The following PTGER4 variants were observed in gnomAD, a reference collection of about 807,000 sequenced individuals.
PTGER4 encodes the protein prostaglandin E2 receptor EP4 subtype.
In PTGER4, 11 loss-of-function variants were observed where a neutral mutation model predicts 33.2. The observed-to-expected ratio is 0.33, with a 90% CI of 0.21 to 0.55. The LOEUF (loss-of-function observed/expected upper bound fraction) is 0.55. Among genes scored for constraint, PTGER4 ranks in the 20% least tolerant of loss-of-function variants. The pLI, the probability that PTGER4 is intolerant of heterozygous loss-of-function variation, is 0.92. For synonymous variants in PTGER4, 275 were observed against 281.5 expected, an observed-to-expected ratio of 0.98 and a Z score of 0.23; for missense variants, 481 against 650.2, an observed-to-expected ratio of 0.74 and a Z score of 2.83.
At chr5:40,736,652 A>G in the PTGER4 span, among the ~76,000 whole-genome samples, 1 of 152,200 alleles carries the variant, frequency 6.6e-6, no homozygotes, top group African/African-American at 2.4e-5. Context: ...ATAAAATCCT[A>G]AAATATTATA....
downstream of PTGER4, among the ~76,000 whole-genome samples, chr5:40,697,183 TTAAG>T (rs1161895220): frequency 3.2e-4 from 22 of 69,132 alleles, no homozygotes; most frequent in Admixed American, 2.3e-3. Context: ...GGAAGAAAAA[TTAAG>T]AAAGAAAGAA....
the PTGER4 span, chr5:40,730,481 C>T: frequency 1.7e-6 from 1 of 589,974 alleles, no homozygotes; most frequent in Non-Finnish European, 3.0e-6. Flanking sequence ...CATTAAGTAG[C>T]ATTAAGTACA....
chr5:40,729,552 A>G, the PTGER4 span, among the ~76,000 whole-genome samples: 2 of 152,218 alleles, frequency 1.3e-5, no homozygotes, highest in Non-Finnish European at 1.5e-5. Context: ...GGACTAAGCC[A>G]TTTTTAGAAA....
In PTGER4 at chr5:40,691,459, C is replaced by T. The variant is rs137896348; in HGVS notation, c.868-320C>T. Among the ~76,000 whole-genome samples, 626 of 152,340 alleles carry T rather than the reference C, an allele frequency of 4.1e-3. 16 individuals are homozygous for T. The highest frequency in any genetic ancestry group is 0.027 in the East Asian group (140 of 5,180). On this transcript the variant is annotated intron_variant, in intron 2 of 2. Coordinates refer to ENST00000302472, the MANE Select transcript of PTGER4 (RefSeq NM_000958.3). The surrounding 1 kb of genome is among the most constrained non-coding windows in gnomAD (Gnocchi z 4.2). ...CCTACCAAAATGCTGGGATTACAGG[C>T]GTGAGCCACCGCACCCAGCCTAATG...
the PTGER4 span, among the ~76,000 whole-genome samples, chr5:40,712,956 T>C: frequency 3.3e-5 from 5 of 152,180 alleles, no homozygotes; most frequent in Admixed American, 6.6e-5. Context: ...TAAATGACTT[T>C]AGGGATAACC....
chr5:40,695,493 C>G (rs1420098827), downstream of PTGER4, among the ~76,000 whole-genome samples: 1 of 152,096 alleles, frequency 6.6e-6, no homozygotes, highest in Non-Finnish European at 1.5e-5. Context: ...TTGCAGTGAG[C>G]CGAGATCGTG....
chr5:40,712,487 A>T, the PTGER4 span, among the ~76,000 whole-genome samples: 2 of 152,140 alleles, frequency 1.3e-5, no homozygotes, highest in Non-Finnish European at 2.9e-5. Context: ...AGGTTAGAGG[A>T]TGTACTTTAA....
the PTGER4 span, among the ~76,000 whole-genome samples, chr5:40,717,345 G>C: frequency 6.6e-6 from 1 of 151,786 alleles, no homozygotes; most frequent in Admixed American, 6.6e-5. Context: ...AGAAAGAGTA[G>C]AAACCAAAGG....
the PTGER4 span, among the ~76,000 whole-genome samples, chr5:40,726,518 A>G: frequency 6.6e-6 from 1 of 151,322 alleles, no homozygotes; most frequent in South Asian, 2.1e-4. Flanking sequence ...ACATAAAAAC[A>G]GAGAAGATTC....
chr5:40,738,560 A>AAT, the PTGER4 span, among the ~76,000 whole-genome samples: 40 of 137,564 alleles, frequency 2.9e-4, no homozygotes, highest in Non-Finnish European at 4.4e-4. Context: ...AATAAAATAA[A>AAT]ATAAAATATA....
Position 40,692,254 on chromosome 5 carries a change from CAG to C in PTGER4, c.1348_1349del (p.Ser450CysfsTer6). 1 of 1,614,216 alleles carries C rather than the reference CAG, an allele frequency of 6.2e-7. No homozygotes were observed. The highest frequency in any genetic ancestry group is 8.5e-7 in the Non-Finnish European group (1 of 1,180,032). Reference sequence around the variant, plus strand: ...TCAGACTCTTCACAGGGTCAGGACTCAGAGAGTGTCTTACTGGTGGATGAGGC... The same window carrying C: ...TCAGACTCTTCACAGGGTCAGGACTCAGAGTGTCTTACTGGTGGATGAGGC... On this transcript the variant is annotated frameshift_variant, in exon 3 of 3. Transcript: ENST00000302472. LOFTEE classifies it high-confidence loss of function.
At chr5:40,728,099 T>C in the PTGER4 span, among the ~76,000 whole-genome samples, 1 of 151,742 alleles carries the variant, frequency 6.6e-6, no homozygotes, top group African/African-American at 2.4e-5. Flanking sequence ...CTGACTAACA[T>C]GGTGACACCC....
Position 40,691,541 on chromosome 5 carries a change from C to T in PTGER4, c.868-238C>T, listed in dbSNP as rs2111812983. Among the ~76,000 whole-genome samples, 1 of 152,258 alleles carries T rather than the reference C, an allele frequency of 6.6e-6. No individual in the cohort carries two copies. The highest frequency in any genetic ancestry group is 2.1e-4 in the South Asian group (1 of 4,826). The stretch of plus-strand genomic sequence containing the variant: ...ATGTTGGACAAGTTGGTCTCGGACT[C>T]CTGACCTCAAGTGATCCTCCCACCT... On this transcript the variant is annotated intron_variant, in intron 2 of 2. Coordinates refer to ENST00000302472, the MANE Select transcript of PTGER4 (RefSeq NM_000958.3). This position sits in a 1 kb window ranked among gnomAD's most constrained non-coding sequence, Gnocchi z 4.2.
At chr5:40,721,052 T>C in the PTGER4 span, among the ~76,000 whole-genome samples, 2 of 152,080 alleles carry the variant, frequency 1.3e-5, no homozygotes, top group African/African-American at 4.8e-5. Flanking sequence ...TGGCATACAG[T>C]GAGCGAAGAA....
chr5:40,709,965 T>C, the PTGER4 span, among the ~76,000 whole-genome samples: 443 of 152,184 alleles, frequency 2.9e-3, 8 homozygotes, highest in Admixed American at 0.027. Context: ...CCTAAAACCA[T>C]AAAAACCCTA....
the PTGER4 span, among the ~76,000 whole-genome samples, chr5:40,723,313 C>T: frequency 1.3e-5 from 2 of 152,080 alleles, no homozygotes; most frequent in African/African-American, 4.8e-5. Flanking sequence ...CCGCAGGGTC[C>T]TCTGCCTAGG....
the PTGER4 span, among the ~76,000 whole-genome samples, chr5:40,710,181 A>G: frequency 6.6e-6 from 1 of 152,230 alleles, no homozygotes; most frequent in Non-Finnish European, 1.5e-5. Flanking sequence ...TACTTATCTG[A>G]CAAAGGGCTA....
the PTGER4 span, among the ~76,000 whole-genome samples, chr5:40,708,574 T>A: frequency 1.3e-5 from 2 of 152,102 alleles, no homozygotes; most frequent in African/African-American, 2.4e-5. Context: ...CAGGACCAGA[T>A]GGATTCACAG....
At chr5:40,741,261 G>A in the PTGER4 span, among the ~76,000 whole-genome samples, 2 of 152,168 alleles carry the variant, frequency 1.3e-5, no homozygotes, top group East Asian at 3.9e-4. Flanking sequence ...TCTAGGGAAG[G>A]TCTGAAGTAG....
Sources: gnomAD v4.1 joint callset for allele counts (sites outside exome capture counted in the v4.1 genomes callset) on GRCh38, gnomAD v4.1.1 for gene constraint, Gnocchi (gnomAD v3.1) non-coding constraint, MANE v1.5 for transcripts, NCBI Gene and HGNC (gene_info 2026-07-23, HGNC 2026-07-21) for gene names.